The following SDK1 variants were observed in gnomAD, a reference collection of about 807,000 sequenced individuals.
SDK1 encodes sidekick cell adhesion molecule 1.
A neutral mutation model predicts 245.5 loss-of-function variants in SDK1; 157 were observed. The observed-to-expected ratio is 0.64, with a 90% CI of 0.56 to 0.73. The LOEUF (loss-of-function observed/expected upper bound fraction) is 0.73, where lower values mean the gene tolerates loss of function less well. Among genes scored for constraint, SDK1 ranks in the 30% least tolerant of loss-of-function variants. The probability of loss-of-function intolerance (pLI) is 0.00; values close to 1 mark genes in which losing one functional copy is unlikely to be tolerated. For synonymous variants in SDK1, 1,647 were observed against 1,278.5 expected (o/e 1.29, Z -6.15); for missense variants, 3,583 against 3,002.3 (o/e 1.19, Z -4.52).
At chr7:3,839,954 A>G (rs1435278558) in intron 5 of SDK1, among the ~76,000 whole-genome samples, 2 of 152,212 alleles carry the variant, frequency 1.3e-5, no homozygotes, top group African/African-American at 4.8e-5. Flanking sequence ...GAATTGAAGG[A>G]GAAGAAGGAA....
intron 4 of SDK1, among the ~76,000 whole-genome samples, chr7:3,651,257 T>A (rs1007330565): frequency 6.6e-6 from 1 of 152,182 alleles, no homozygotes; most frequent in Non-Finnish European, 1.5e-5. Context: ...TGTCATGATT[T>A]TTTATTTTAG....
chr7:4,171,779 C>G (rs1399139677), intron 32 of SDK1, among the ~76,000 whole-genome samples: 2 of 152,254 alleles, frequency 1.3e-5, no homozygotes, highest in African/African-American at 4.8e-5. Flanking sequence ...GTGCCATTTC[C>G]CCATCTCTGG....
chr7:3,579,332 C>G (rs1780408082), intron 1 of SDK1, among the ~76,000 whole-genome samples: 1 of 152,232 alleles, frequency 6.6e-6, no homozygotes, highest in South Asian at 2.1e-4. Flanking sequence ...CCACCATGAT[C>G]AGGTAGGCGT....
At chr7:3,668,552 G>C (rs1332278365) in intron 4 of SDK1, among the ~76,000 whole-genome samples, 1 of 152,200 alleles carries the variant, frequency 6.6e-6, no homozygotes, top group Non-Finnish European at 1.5e-5. Context: ...GAGGCAGGCA[G>C]ATCACATGGT....
chr7:4,175,875 A>G, intron 34 of SDK1, 41 bp downstream of exon 34: 2 of 1,570,216 alleles, frequency 1.3e-6, no homozygotes, highest in Non-Finnish European at 1.7e-6. Flanking sequence ...CGCGAGGCGC[A>G]CACACTGTGC....
chr7:3,687,022 C>T (rs1784302872), intron 4 of SDK1, among the ~76,000 whole-genome samples: 1 of 138,278 alleles, frequency 7.2e-6, no homozygotes, highest in African/African-American at 2.8e-5. Context: ...TGGCTTCTAG[C>T]CAGAATCTCC....
At chr7:3,970,051 C>A (rs1002273505) in intron 11 of SDK1, among the ~76,000 whole-genome samples, 1 of 152,290 alleles carries the variant, frequency 6.6e-6, no homozygotes, top group South Asian at 2.1e-4. Context: ...AAGGATTGGA[C>A]CAAATGGTCC....
chr7:3,756,554 C>CT (rs112611055), intron 4 of SDK1, among the ~76,000 whole-genome samples: 5,372 of 145,388 alleles, frequency 0.037, 228 homozygotes, highest in African/African-American at 0.11. Context: ...TAGTTTATTC[C>CT]TTTTTTTTTT....
intron 1 of SDK1, among the ~76,000 whole-genome samples, chr7:3,606,602 A>G (rs1354724647): frequency 6.6e-6 from 1 of 152,068 alleles, no homozygotes; most frequent in East Asian, 1.9e-4. Context: ...CACATCAGCG[A>G]CTTTGTACTT....
chr7:4,192,565 G>A lies in SDK1; in HGVS notation c.5099-13314G>A, dbSNP rs189684162. ...GCTGGGATTACAGGTGTGAGCCACC[G>A]TGCCCAGCCAGTAAAGTATATTCTA... is the stretch of plus-strand genomic sequence containing the variant. On this transcript the variant is annotated intron_variant, in intron 35 of 44. Coordinates refer to ENST00000404826, the MANE Select transcript of SDK1 (RefSeq NM_152744.4). Among the ~76,000 whole-genome samples the A allele has an allele frequency of 1.4e-4, 22 of 152,278 alleles. No homozygotes were observed. In the East Asian group the frequency reaches 1.5e-3, roughly 11 times the overall value.
chr7:4,230,039 AGAAGGAAGGAAGGAAG>A (rs55723679), intron 40 of SDK1, among the ~76,000 whole-genome samples: 154 of 66,638 alleles, frequency 2.3e-3, no homozygotes, highest in African/African-American at 7.5e-3. Flanking sequence ...AGGGGGACCC[AGAAGGAAGGAAGGAAG>A]GAAGGAAGGA....
chr7:4,172,550 T>C (rs1158131999), intron 32 of SDK1, among the ~76,000 whole-genome samples: 2 of 152,156 alleles, frequency 1.3e-5, no homozygotes, highest in Admixed American at 1.3e-4. Context: ...GTTCAGATAG[T>C]GAGGACCAGA....
intron 25 of SDK1, among the ~76,000 whole-genome samples, chr7:4,123,853 G>A (rs1784221014): frequency 6.6e-6 from 1 of 152,220 alleles, no homozygotes; most frequent in Non-Finnish European, 1.5e-5. Context: ...AAGGTGCTCA[G>A]CATGGTAGGG....
chr7:3,313,609 C>T (rs1399628672), intron 1 of SDK1, among the ~76,000 whole-genome samples: 1 of 152,156 alleles, frequency 6.6e-6, no homozygotes, highest in Non-Finnish European at 1.5e-5. Flanking sequence ...AAAGTGTCAG[C>T]AGTTTCCACT....
chr7:3,371,768 A>C (rs1042285585), intron 1 of SDK1, among the ~76,000 whole-genome samples: 2 of 152,226 alleles, frequency 1.3e-5, no homozygotes, highest in Non-Finnish European at 2.9e-5. Flanking sequence ...GGAGTTCCTG[A>C]ACAGGAAACT....
intron 4 of SDK1, among the ~76,000 whole-genome samples, chr7:3,779,908 C>A (rs987693926): frequency 7.0e-6 from 1 of 142,314 alleles, no homozygotes; most frequent in Non-Finnish European, 1.5e-5. Context: ...GTCCGCAGTC[C>A]GGCCTGGGCG....
At chr7:3,690,781 A>G (rs561296333) in intron 4 of SDK1, among the ~76,000 whole-genome samples, 1 of 152,344 alleles carries the variant, frequency 6.6e-6, no homozygotes, top group South Asian at 2.1e-4. Flanking sequence ...TAAACCTTAT[A>G]TTAATAAAAA....
intron 1 of SDK1, among the ~76,000 whole-genome samples, chr7:3,344,899 T>A (rs1300161056): frequency 6.6e-6 from 1 of 152,182 alleles, no homozygotes; most frequent in Non-Finnish European, 1.5e-5. Context: ...TGTACAGTAA[T>A]AACAAGAGAT....
At chr7:4,205,767 C>T in intron 35 of SDK1, 112 bp from the exon 36 acceptor site, 1 of 862,512 alleles carries the variant, frequency 1.2e-6, no homozygotes, top group Non-Finnish European at 1.9e-6. Context: ...GAATCTCTCA[C>T]ATGGTTCCCA....
Sources: gnomAD v4.1 joint callset for allele counts (sites outside exome capture counted in the v4.1 genomes callset) on GRCh38, gnomAD v4.1.1 for gene constraint, MANE v1.5 for transcripts, NCBI Gene and HGNC (gene_info 2026-07-23, HGNC 2026-07-21) for gene names.